TRDN: variants seen among roughly 807,000 people sequenced by gnomAD.
TRDN encodes triadin.
A neutral mutation model predicts 149.7 loss-of-function variants in TRDN; 161 were observed. The observed-to-expected ratio is 1.08, with a 90% CI of 0.95 to 1.23. The LOEUF (loss-of-function observed/expected upper bound fraction) is 1.23. Ranked by LOEUF, TRDN falls within the 50% of genes most tolerant of loss-of-function variation. The pLI, the probability that TRDN is intolerant of heterozygous loss-of-function variation, is 0.00. For synonymous variants in TRDN, 294 were observed against 250.5 expected (o/e 1.17, Z -1.64); for missense variants, 896 against 823.5 (o/e 1.09, Z -1.08).
At chr6:123,358,188 A>G (rs1035412957) in intron 20 of TRDN, among the ~76,000 whole-genome samples, 13 of 151,168 alleles carry the variant, frequency 8.6e-5, no homozygotes, top group Admixed American at 4.0e-4. Context: ...CGTATTTTAG[A>G]AAAAAAAATA....
intron 38 of TRDN, among the ~76,000 whole-genome samples, chr6:123,227,220 A>C (rs931461589): frequency 6.6e-6 from 1 of 151,920 alleles, no homozygotes; most frequent in South Asian, 2.1e-4. Flanking sequence ...TTCTAATAGC[A>C]CAGAAATAGT....
intron 20 of TRDN, among the ~76,000 whole-genome samples, chr6:123,363,124 A>G (rs1274511450): frequency 6.6e-6 from 1 of 152,206 alleles, no homozygotes; most frequent in East Asian, 1.9e-4. Flanking sequence ...AGTAATTTCC[A>G]CTTAACATTG....
chr6:123,270,618 C>G (rs1449768356), intron 30 of TRDN, among the ~76,000 whole-genome samples: 1 of 151,874 alleles, frequency 6.6e-6, no homozygotes, highest in African/African-American at 2.4e-5. Context: ...TGTATCTTTT[C>G]TTTCTCATAT....
At chr6:123,454,845 C>A (rs1193796767) in intron 10 of TRDN, among the ~76,000 whole-genome samples, 1 of 152,172 alleles carries the variant, frequency 6.6e-6, no homozygotes, top group East Asian at 1.9e-4. Flanking sequence ...TGAAACCATC[C>A]CTCCTCTCAC....
chr6:123,289,112 GTATA>G (rs1362551905), intron 24 of TRDN, among the ~76,000 whole-genome samples: 2 of 144,420 alleles, frequency 1.4e-5, no homozygotes, highest in Admixed American at 7.0e-5. Context: ...TAGTATGTAT[GTATA>G]GTGTATATAT....
intron 12 of TRDN, among the ~76,000 whole-genome samples, chr6:123,412,917 A>G (rs1266679988): frequency 6.6e-6 from 1 of 152,290 alleles, no homozygotes; most frequent in Non-Finnish European, 1.5e-5. Context: ...TTAGACCTTG[A>G]CAGCTTCCAG....
Position 123,217,274 on chromosome 6 carries a change from G to C in TRDN, c.*1327C>G, listed in dbSNP as rs1744330052. On this transcript the variant is annotated 3_prime_UTR_variant, in exon 41 of 41. Transcript: ENST00000334268. ...GACTGTTTTATATCTTGGTCCTAAA[G>C]AACCGTAGTTAGTGGCAATCCTTGA... The C allele has an allele frequency of 6.6e-6, 1 of 151,960 alleles. No individual in the cohort carries two copies. The allele number at this position is 151,960 out of a possible 1,614,324, so 9.4% of individuals were successfully genotyped here. A position where few individuals can be genotyped will look rare whatever the true frequency, so the allele number is the denominator to read the frequency against.
chr6:123,446,507 C>A (rs1205243447), intron 10 of TRDN, among the ~76,000 whole-genome samples: 1 of 149,452 alleles, frequency 6.7e-6, no homozygotes, highest in Admixed American at 6.7e-5. Flanking sequence ...ACGGCGTGAA[C>A]CCAGGAGGTG....
Position 123,316,513 on chromosome 6 carries a change from C to T in TRDN, c.1472-18G>A. 2.5e-6 allele frequency: 4 copies of T among 1,608,700 alleles called. No homozygotes were observed. The South Asian group carries it at 4.4e-5, about 18-fold the overall frequency. On this transcript the variant is annotated intron_variant, in intron 23 of 40. Transcript: ENST00000334268. Reference sequence around the variant, plus strand: ...TTCAGGTTCTGGGGCAAAACGTACACATAAACACGTACAAACAAAAGGGAA... The same window carrying T: ...TTCAGGTTCTGGGGCAAAACGTACATATAAACACGTACAAACAAAAGGGAA...
At chr6:123,489,612 C>T (rs1562342743) in intron 9 of TRDN, 1 of 152,224 alleles carries the variant, frequency 6.6e-6, no homozygotes, top group East Asian at 1.9e-4. Context: ...ACATGTAAGG[C>T]ACTTTATGGA....
intron 5 of TRDN, 127 bp from the exon 6 acceptor site, chr6:123,516,333 A>T: frequency 8.7e-7 from 1 of 1,149,208 alleles, no homozygotes; most frequent in Non-Finnish European, 1.1e-6. Flanking sequence ...CTGGATTCAG[A>T]TTTTATGTAG....
At chr6:123,343,564 C>T (rs952278492) in intron 21 of TRDN, among the ~76,000 whole-genome samples, 1 of 151,804 alleles carries the variant, frequency 6.6e-6, no homozygotes, top group African/African-American at 2.4e-5. Flanking sequence ...ATATATCTTT[C>T]TGCTACTCAT....
In TRDN at chr6:123,250,018, C is replaced by G. The variant is rs372792895; in HGVS notation, c.1975+2394G>C. ...TTAGTAAAGTTGCAGAATACAAAAT[C>G]AACATAAAAATGAGTAGCATTTCCA... is the stretch of plus-strand genomic sequence containing the variant. On this transcript the variant is annotated intron_variant, in intron 38 of 40. Coordinates refer to ENST00000334268, the MANE Select transcript of TRDN (RefSeq NM_006073.4). Among the ~76,000 whole-genome samples, 6 of 152,132 alleles carry G rather than the reference C, an allele frequency of 3.9e-5. 1 individual carries two copies. In the South Asian group the frequency reaches 1.2e-3, roughly 32 times the overall value.
Position 123,225,126 on chromosome 6 carries a change from G to A in TRDN, c.1976-995C>T, listed in dbSNP as rs1012127433. 7.9e-5 allele frequency among the ~76,000 whole-genome samples: 11 copies of A among 138,666 alleles called. No individual in the cohort carries two copies. The South Asian group carries it at 9.4e-4, about 12-fold the overall frequency. 91.0% of individuals were successfully genotyped at this position (138,666 alleles called of 152,430 possible). On this transcript the variant is annotated intron_variant, in intron 38 of 40. Transcript: ENST00000334268. ...AGACATACAAATGACCAACAGGCAC[G>A]TGGAAAGATGCCTTATATTATTAAT...
chr6:123,378,827 T>G (rs1464949751), intron 16 of TRDN, among the ~76,000 whole-genome samples: 2 of 152,120 alleles, frequency 1.3e-5, no homozygotes, highest in South Asian at 2.1e-4. Context: ...CCTTTTGGAG[T>G]CCTCTTTATA....
At chr6:123,344,687 C>A (rs1780190859) in intron 21 of TRDN, among the ~76,000 whole-genome samples, 1 of 152,002 alleles carries the variant, frequency 6.6e-6, no homozygotes, top group Admixed American at 6.6e-5. Flanking sequence ...TATTGAAGGA[C>A]ATCTTGGTTG....
rs546997565 is a variant in TRDN, at chr6:123,634,046, G to A, written c.22+2708C>T. On this transcript the variant is annotated intron_variant, in intron 1 of 40. Coordinates refer to ENST00000334268, the MANE Select transcript of TRDN (RefSeq NM_006073.4). ...TTAAGTGCCACAAACTGTTTTGTGT[G>A]TGTGCGTGATAAATGGATGGAAAAG... Among the ~76,000 whole-genome samples the A allele has an allele frequency of 1.1e-3, 161 of 152,120 alleles. 1 individual carries two copies. The highest frequency in any genetic ancestry group is 3.5e-3 in the African/African-American group (144 of 41,532).
At chr6:123,626,142 G>C (rs1267223763) in intron 1 of TRDN, among the ~76,000 whole-genome samples, 1 of 152,088 alleles carries the variant, frequency 6.6e-6, no homozygotes, top group Non-Finnish European at 1.5e-5. Context: ...ATTAAGAGTA[G>C]AGTAGCTTCC....
At chr6:123,432,113 C>T (rs2114574089) in intron 12 of TRDN, among the ~76,000 whole-genome samples, 1 of 152,186 alleles carries the variant, frequency 6.6e-6, no homozygotes, top group East Asian at 1.9e-4. Context: ...ACCAATTCAC[C>T]ACCACAAAGA....
Sources: allele counts gnomAD v4.1 joint callset (sites outside exome capture counted in the v4.1 genomes callset), GRCh38; gene constraint gnomAD v4.1.1; transcripts MANE v1.5; gene names NCBI Gene and HGNC (gene_info 2026-07-23, HGNC 2026-07-21).